The following TBC1D12 variants were observed in gnomAD, a reference collection of about 807,000 sequenced individuals.
TBC1D12 encodes the protein TBC1 domain family member 12.
TBC1D12 carries 56 observed loss-of-function variants against 86.7 expected under a neutral mutation model. That is an observed-to-expected ratio of 0.65 (90% confidence interval 0.52 to 0.81). The LOEUF is 0.81. Among genes scored for constraint, TBC1D12 ranks in the 30% least tolerant of loss-of-function variants. The pLI is 0.00. For missense variants in TBC1D12, 1,023 were observed against 1,038.8 expected (o/e 0.98, Z 0.21); for synonymous variants, 421 against 411.7 (o/e 1.02, Z -0.27).
At chr10:94,532,913 G>A (rs1842467648) in intron 12 of TBC1D12, 115 bp from the exon 13 acceptor site, 1 of 564,388 alleles carries the variant, frequency 1.8e-6, no homozygotes, top group Non-Finnish European at 3.0e-6. Context: ...CACACTTTCG[G>A]GGACAGTGTT....
chr10:94,451,539 G>A (rs1016232479), intron 2 of TBC1D12, among the ~76,000 whole-genome samples: 5 of 151,996 alleles, frequency 3.3e-5, no homozygotes, highest in Non-Finnish European at 7.4e-5. Context: ...TTTCAAATCT[G>A]CTGTATCACT....
At chr10:94,524,678 G>T (rs1842242130) in intron 11 of TBC1D12, among the ~76,000 whole-genome samples, 1 of 150,072 alleles carries the variant, frequency 6.7e-6, no homozygotes, top group South Asian at 2.1e-4. Flanking sequence ...GTTGGAGGTT[G>T]CAGTGAGTCG....
chr10:94,419,428 A>T (rs2055045743), intron 1 of TBC1D12, among the ~76,000 whole-genome samples: 2 of 152,110 alleles, frequency 1.3e-5, no homozygotes, highest in Non-Finnish European at 2.9e-5. Flanking sequence ...TAATCTTACC[A>T]CTTTGGGAAG....
chr10:94,500,120 G>A lies in TBC1D12; in HGVS notation c.1413-101G>A. The A allele has an allele frequency of 3.9e-6, 4 of 1,038,614 alleles. No individual in the cohort carries two copies. In the East Asian group the frequency reaches 1.1e-4, roughly 27 times the overall value. 64.3% of individuals were successfully genotyped at this position (1,038,614 alleles called of 1,614,324 possible). ...CTTAATTCTCTATAGTCCTAAAAAT[G>A]ATTTGATCACTTGGCCATAGACTAA... On this transcript the variant is annotated intron_variant, in intron 5 of 12. Transcript: ENST00000225235.
At chr10:94,488,943 T>C (rs781421950) in intron 3 of TBC1D12, among the ~76,000 whole-genome samples, 22 of 152,154 alleles carry the variant, frequency 1.4e-4, no homozygotes, top group Admixed American at 4.6e-4. Context: ...GTTACTTTAG[T>C]TGCTGCAAGC....
chr10:94,463,057 A>C (rs1013648788), intron 2 of TBC1D12, among the ~76,000 whole-genome samples: 1 of 152,160 alleles, frequency 6.6e-6, no homozygotes, highest in Non-Finnish European at 1.5e-5. Flanking sequence ...CTTTAGCTGC[A>C]TTCCATAAAT....
intron 3 of TBC1D12, among the ~76,000 whole-genome samples, chr10:94,479,596 G>C (rs2056046980): frequency 1.3e-5 from 2 of 152,136 alleles, no homozygotes; most frequent in Admixed American, 6.5e-5. Context: ...CTATGACATA[G>C]GTAGAAAGCA....
chr10:94,440,697 T>A (rs1203565018), intron 1 of TBC1D12, among the ~76,000 whole-genome samples: 1 of 152,230 alleles, frequency 6.6e-6, no homozygotes, highest in East Asian at 1.9e-4. Context: ...CACTTATAGC[T>A]TATGCAAAGG....
In TBC1D12 at chr10:94,533,095, A is replaced by C. The variant is rs1230939292; in HGVS notation, c.2327A>C (p.Ter776SerextTer7). Residue 776 changes from the stop codon to serine, a stop_lost, in exon 13 of 13, where the codon TAG becomes TCG. Coordinates refer to ENST00000225235, the MANE Select transcript of TBC1D12 (RefSeq NM_015188.2). ...DKNSSPALKS[*>S] ...AACAGTAGTCCTGCTTTGAAAAGCT[A>C]GTCTTCAAAATTGACAGACTAACTG... 6.3e-7 allele frequency: 1 copy of C among 1,582,928 alleles called. No homozygotes were observed. The highest frequency in any genetic ancestry group is 8.6e-7 in the Non-Finnish European group (1 of 1,163,640).
At chr10:94,422,217 G>C (rs1035913708) in intron 1 of TBC1D12, among the ~76,000 whole-genome samples, 1 of 129,866 alleles carries the variant, frequency 7.7e-6, no homozygotes, top group African/African-American at 2.9e-5. Context: ...TTGAGTCAGA[G>C]TCTCGCTGTG....
intron 1 of TBC1D12, among the ~76,000 whole-genome samples, chr10:94,420,187 G>A (rs1444574768): frequency 6.6e-6 from 1 of 152,124 alleles, no homozygotes; most frequent in African/African-American, 2.4e-5. Flanking sequence ...AGGCCCTGGA[G>A]AGCTTGCTTC....
At chr10:94,509,829 G>A (rs547630597) in intron 7 of TBC1D12, 57 of 356,354 alleles carry the variant, frequency 1.6e-4, no homozygotes, top group African/African-American at 1.2e-3. Context: ...TTGTTACCAT[G>A]GAAATGATGG....
At chr10:94,500,364 A>G (rs2134188286) in intron 6 of TBC1D12, 37 bp downstream of exon 6, 1 of 1,566,992 alleles carries the variant, frequency 6.4e-7, no homozygotes, top group South Asian at 1.1e-5. Context: ...CACATGTACA[A>G]ATAGCCATCT....
chr10:94,471,351 C>T (rs1411737275), intron 2 of TBC1D12, among the ~76,000 whole-genome samples: 2 of 151,006 alleles, frequency 1.3e-5, no homozygotes, highest in Non-Finnish European at 2.9e-5. Context: ...TTTTGAGTTG[C>T]TTTATATATT....
intron 1 of TBC1D12, among the ~76,000 whole-genome samples, chr10:94,409,533 T>C (rs2054902734): frequency 6.6e-6 from 1 of 151,832 alleles, no homozygotes; most frequent in Non-Finnish European, 1.5e-5. Context: ...CACTACGACC[T>C]GCTAATTTTG....
intron 2 of TBC1D12, among the ~76,000 whole-genome samples, chr10:94,463,747 A>G (rs2055766691): frequency 6.6e-6 from 1 of 152,260 alleles, no homozygotes; most frequent in Non-Finnish European, 1.5e-5. Context: ...TGTGTACTTT[A>G]GAGCAGTGTG....
Position 94,403,547 on chromosome 10 carries a change from G to A in TBC1D12, c.934G>A (p.Ala312Thr), listed in dbSNP as rs764031939. ...EQGPAGASAR[A>T]RRSGGFADFF... is the part of the protein sequence containing the mutation. ...GGGTCCTGCGGGGGCTTCGGCCCGG[G>A]CTCGACGGAGTGGCGGCTTCGCGGA... is the stretch of plus-strand genomic sequence containing the variant. The change falls in exon 1 of 13, where the codon GCT becomes ACT. Residue 312 changes from alanine to threonine, a missense_variant. By Grantham distance (58) the Ala-to-Thr change is moderately conservative. Coordinates refer to ENST00000225235, the MANE Select transcript of TBC1D12 (RefSeq NM_015188.2). 5 of 1,506,436 alleles carry A rather than the reference G, an allele frequency of 3.3e-6. No homozygotes were observed. Among genetic ancestry groups the A allele is most frequent in the South Asian group, 1.3e-5 (1 of 74,210 alleles). 93.3% of individuals were successfully genotyped at this position (1,506,436 alleles called of 1,614,324 possible).
intron 1 of TBC1D12, among the ~76,000 whole-genome samples, chr10:94,437,949 G>A (rs539575945): frequency 2.2e-5 from 2 of 89,912 alleles, no homozygotes; most frequent in East Asian, 3.4e-4. Flanking sequence ...ATTACCTTTC[G>A]TTCTTTGTCC....
At chr10:94,416,470 C>A (rs1364489392) in intron 1 of TBC1D12, among the ~76,000 whole-genome samples, 2 of 152,180 alleles carry the variant, frequency 1.3e-5, no homozygotes, top group African/African-American at 2.4e-5. Context: ...CCACAAAATA[C>A]AATTCAATTC....
Sources: gnomAD v4.1 joint callset for allele counts (sites outside exome capture counted in the v4.1 genomes callset) on GRCh38, gnomAD v4.1.1 for gene constraint, MANE v1.5 for transcripts, NCBI Gene and HGNC (gene_info 2026-07-23, HGNC 2026-07-21) for gene names.